PARVB: variants seen among roughly 807,000 people sequenced by gnomAD.
PARVB encodes the protein parvin beta.
In PARVB, 46 loss-of-function variants were observed where a neutral mutation model predicts 47.0. The ratio of observed to expected loss-of-function variants is 0.98; its 90% CI spans 0.77 to 1.25. The LOEUF is 1.25. Among genes scored for constraint, PARVB ranks in the 50% most tolerant of loss-of-function variants. The pLI, the probability that PARVB is intolerant of heterozygous loss-of-function variation, is 0.00. For missense variants in PARVB, 473 were observed against 471.6 expected (o/e 1.00, Z -0.03); for synonymous variants, 196 against 196.3 (o/e 1.00, Z 0.01).
intron 1 of PARVB, among the ~76,000 whole-genome samples, chr22:44,057,253 C>T (rs2051332452): frequency 6.6e-6 from 1 of 152,044 alleles, no homozygotes; most frequent in African/African-American, 2.4e-5. Flanking sequence ...ATGTACCAAG[C>T]ATAGCACATG....
upstream of PARVB, among the ~76,000 whole-genome samples, chr22:44,023,577 TAA>T (rs2050680740): frequency 1.3e-5 from 2 of 148,922 alleles, no homozygotes; most frequent in African/African-American, 5.0e-5. Context: ...TAAAATAAAA[TAA>T]AATAAAATAA....
At position 44,121,488 on chromosome 22, in the gene PARVB, A is replaced by G. The variant is rs186916844; in HGVS notation, c.376+2348A>G. Among the ~76,000 whole-genome samples the G allele has an allele frequency of 2.8e-3, 425 of 152,032 alleles. 1 individual carries two copies. The highest frequency in any genetic ancestry group is 3.8e-3 in the Non-Finnish European group (256 of 67,986). On this transcript the variant is annotated intron_variant, in intron 4 of 12. Transcript: ENST00000338758. ...AAATAGTGATTTCTGTATCTTTATC[A>G]TGGCTTCCCCACTTATTAGCTGGCA... is the stretch of plus-strand genomic sequence containing the variant.
At chr22:44,132,576 C>T (rs756991824) in intron 5 of PARVB, among the ~76,000 whole-genome samples, 1 of 152,148 alleles carries the variant, frequency 6.6e-6, no homozygotes. Context: ...GACCTGCTTT[C>T]CATGCTCTTT....
At chr22:44,157,895 A>C (rs1237453403) in intron 10 of PARVB, 87 bp from the exon 11 acceptor site, 4 of 896,322 alleles carry the variant, frequency 4.5e-6, no homozygotes, top group African/African-American at 1.6e-5. Context: ...CCTGTCTCAG[A>C]AGAAAAAATA....
At chr22:44,135,075 G>C (rs1190871059) in intron 6 of PARVB, among the ~76,000 whole-genome samples, 1 of 152,170 alleles carries the variant, frequency 6.6e-6, no homozygotes, top group Non-Finnish European at 1.5e-5. Context: ...TCAAACTCAG[G>C]AAAGGGATGG....
intron 3 of PARVB, among the ~76,000 whole-genome samples, chr22:44,101,180 C>A (rs978416797): frequency 1.3e-5 from 2 of 151,836 alleles, no homozygotes; most frequent in Non-Finnish European, 2.9e-5. Context: ...GAGGCCGAGG[C>A]GGGCGGATCA....
At chr22:44,107,466 CGCCT>C (rs1368506652) in intron 3 of PARVB, 2 of 152,212 alleles carry the variant, frequency 1.3e-5, no homozygotes, top group Admixed American at 1.3e-4. Context: ...TAGCACGTAG[CGCCT>C]AAAACCTTTG....
At position 44,068,502 on chromosome 22, in the gene PARVB, C is replaced by G. The variant is rs756235389; in HGVS notation, c.113-25426C>G. ...GGGAAGTGAGTGCTCCCGAGAGCAG[C>G]CTGCCGCCTCCGTGTCGGGGCAGCC... On this transcript the variant is annotated intron_variant, in intron 1 of 12. Transcript: ENST00000338758. The surrounding 1 kb of genome is among the most constrained non-coding windows in gnomAD (Gnocchi z 4.1). Among the ~76,000 whole-genome samples the G allele has an allele frequency of 6.6e-6, 1 of 152,208 alleles. No individual in the cohort carries two copies. The highest frequency in any genetic ancestry group is 1.9e-4 in the East Asian group (1 of 5,180).
intron 3 of PARVB, chr22:44,110,139 A>T (rs1013951689): frequency 7.1e-6 from 1 of 139,988 alleles, no homozygotes; most frequent in African/African-American, 2.8e-5. Context: ...AAAAAAAAAA[A>T]AAAGAAAGTT....
intron 4 of PARVB, among the ~76,000 whole-genome samples, chr22:44,130,371 C>A (rs565364267): frequency 2.0e-5 from 3 of 152,114 alleles, no homozygotes; most frequent in Non-Finnish European, 4.4e-5. Context: ...GGCCCTGCAG[C>A]GGGCGTGGGG....
intron 1 of PARVB, among the ~76,000 whole-genome samples, chr22:44,041,574 G>A (rs2051018983): frequency 6.6e-6 from 1 of 151,976 alleles, no homozygotes; most frequent in Non-Finnish European, 1.5e-5. Context: ...GGAAATGACT[G>A]GGCCTGATAC....
chr22:44,092,870 G>A (rs2052205980), intron 1 of PARVB, among the ~76,000 whole-genome samples: 1 of 152,210 alleles, frequency 6.6e-6, no homozygotes, highest in Non-Finnish European at 1.5e-5. Context: ...CAGAGCTAGA[G>A]GTGTTCAAGG....
At chr22:44,010,391 C>T (rs1035477512) in intron 2 of PARVB, 2 of 152,218 alleles carry the variant, frequency 1.3e-5, no homozygotes, top group African/African-American at 2.4e-5. Context: ...GCTGCACTGT[C>T]CTATAATTTG....
chr22:44,105,704 G>A (rs1156763577), intron 3 of PARVB: 4 of 152,270 alleles, frequency 2.6e-5, no homozygotes, highest in Non-Finnish European at 5.9e-5. Context: ...TTGATAGATA[G>A]TAAGAGAACC....
At chr22:44,059,988 C>G (rs5764496) in intron 1 of PARVB, among the ~76,000 whole-genome samples, 16,192 of 151,918 alleles carry the variant, frequency 0.11, 939 homozygotes, top group Middle Eastern at 0.12. Flanking sequence ...GGAAAGGGCA[C>G]TCTGAAATGT....
At chr22:44,102,366 C>A (rs1328572123) in intron 3 of PARVB, among the ~76,000 whole-genome samples, 1 of 152,198 alleles carries the variant, frequency 6.6e-6, no homozygotes, top group Non-Finnish European at 1.5e-5. Context: ...TATCTGGGCA[C>A]CCCAGAGCCC....
upstream of PARVB, among the ~76,000 whole-genome samples, chr22:44,019,938 G>A (rs116282203): frequency 5.0e-3 from 768 of 152,280 alleles, 9 homozygotes; most frequent in African/African-American, 0.018. Flanking sequence ...TTATTTGGAG[G>A]TAGGGTTGTA....
intron 3 of PARVB, chr22:44,111,049 C>A (rs1313150494): frequency 6.6e-6 from 1 of 151,910 alleles, no homozygotes; most frequent in African/African-American, 2.4e-5. Context: ...CAATAGAAGG[C>A]AGGGCTAATT....
At chr22:44,160,548 C>T (rs1005202112) in intron 11 of PARVB, among the ~76,000 whole-genome samples, 3 of 152,172 alleles carry the variant, frequency 2.0e-5, no homozygotes, top group Non-Finnish European at 4.4e-5. Flanking sequence ...CTGGGGTGAG[C>T]GGTCCCCAGG....
Sources: allele counts gnomAD v4.1 joint callset (sites outside exome capture counted in the v4.1 genomes callset), GRCh38; gene constraint gnomAD v4.1.1; non-coding constraint Gnocchi (gnomAD v3.1); transcripts MANE v1.5; gene names NCBI Gene and HGNC (gene_info 2026-07-23, HGNC 2026-07-21).